HAT1: variants seen among roughly 807,000 people sequenced by gnomAD.
HAT1 encodes histone acetyltransferase type B catalytic subunit.
In HAT1, 20 loss-of-function variants were observed where a neutral mutation model predicts 56.6. The observed-to-expected ratio is 0.35, with a 90% CI of 0.25 to 0.51. The LOEUF is 0.51. HAT1 is among the 20% of genes least tolerant of loss of function. HAT1 has a pLI of 0.95. For synonymous variants in HAT1, 146 were observed against 165.5 expected (o/e 0.88, Z 0.91); for missense variants, 408 against 504.3 (o/e 0.81, Z 1.83).
chr2:171,934,460 G>A (rs904342223), intron 2 of HAT1, among the ~76,000 whole-genome samples: 4 of 152,152 alleles, frequency 2.6e-5, no homozygotes, highest in Admixed American at 1.3e-4. Context: ...AAGTTAGAAG[G>A]TGTAGAGGAA....
chr2:171,955,765 C>T lies in HAT1; in HGVS notation c.309+2764C>T, dbSNP rs139004280. On this transcript the variant is annotated intron_variant, in intron 4 of 10. Coordinates refer to ENST00000264108, the MANE Select transcript of HAT1 (RefSeq NM_003642.4). ...GTTTTGGTAGAAACACGAACATGAG[C>T]TGGATGCGTTGGCTCATGCCTATAA... is the stretch of plus-strand genomic sequence containing the variant. Among the ~76,000 whole-genome samples, 878 of 152,182 alleles carry T rather than the reference C, an allele frequency of 5.8e-3. 6 individuals are homozygous for T. Among genetic ancestry groups the T allele is most frequent in the African/African-American group, 0.018 (746 of 41,508 alleles).
chr2:171,943,446 C>T (rs1425387681), intron 2 of HAT1, among the ~76,000 whole-genome samples: 1 of 127,296 alleles, frequency 7.9e-6, no homozygotes. Flanking sequence ...GGAAACTAAG[C>T]AATATCTCTG....
At chr2:171,953,856 G>A (rs989741071) in intron 4 of HAT1, among the ~76,000 whole-genome samples, 10 of 151,778 alleles carry the variant, frequency 6.6e-5, no homozygotes, top group African/African-American at 2.2e-4. Context: ...TTAGCTGGGC[G>A]TGGTGGTACA....
chr2:171,953,201 T>C (rs560097676), intron 4 of HAT1, among the ~76,000 whole-genome samples, 200 bp downstream of exon 4: 39 of 151,344 alleles, frequency 2.6e-4, no homozygotes, highest in Middle Eastern at 3.4e-3. Flanking sequence ...CAAAAATTAG[T>C]GGGGCGTGGT....
chr2:171,969,947 T>C (rs1687773466), intron 8 of HAT1, among the ~76,000 whole-genome samples: 1 of 151,834 alleles, frequency 6.6e-6, no homozygotes. Flanking sequence ...AGCTCAGGGG[T>C]TCAAGACCAG....
At chr2:171,956,001 C>T (rs369791764) in intron 4 of HAT1, among the ~76,000 whole-genome samples, 19 of 151,530 alleles carry the variant, frequency 1.3e-4, no homozygotes, top group African/African-American at 3.9e-4. Flanking sequence ...GCCGATATCG[C>T]GCCACTGCAC....
intron 4 of HAT1, among the ~76,000 whole-genome samples, chr2:171,962,203 A>G (rs1198239802): frequency 6.6e-6 from 1 of 152,218 alleles, no homozygotes; most frequent in Non-Finnish European, 1.5e-5. Context: ...TTCATGTGTA[A>G]TAAAGTACAG....
chr2:171,947,403 A>T (rs1222401014), intron 3 of HAT1, among the ~76,000 whole-genome samples: 2 of 151,904 alleles, frequency 1.3e-5, no homozygotes, highest in Non-Finnish European at 2.9e-5. Context: ...ACAGGCACAC[A>T]CCATCATGCC....
intron 4 of HAT1, among the ~76,000 whole-genome samples, chr2:171,963,585 TGATA>T (rs1407085401): frequency 6.6e-6 from 1 of 152,230 alleles, no homozygotes; most frequent in East Asian, 1.9e-4. Context: ...ATTTTTAAAC[TGATA>T]GATTATAAAT....
intron 2 of HAT1, among the ~76,000 whole-genome samples, chr2:171,939,452 G>C (rs1327927287): frequency 2.6e-5 from 4 of 152,196 alleles, no homozygotes; most frequent in Non-Finnish European, 5.9e-5. Context: ...AAATAAGCAA[G>C]TTTTGTGACC....
chr2:171,964,121 T>G (rs536994111), intron 4 of HAT1, among the ~76,000 whole-genome samples: 3 of 152,322 alleles, frequency 2.0e-5, no homozygotes, highest in Non-Finnish European at 4.4e-5. Flanking sequence ...GGTGCATTGC[T>G]TCTACTTAGT....
chr2:171,952,828 C>T, intron 3 of HAT1, 53 bp from the exon 4 acceptor site: 2 of 1,367,352 alleles, frequency 1.5e-6, no homozygotes, highest in Non-Finnish European at 1.0e-6. Context: ...AGGGTTAATA[C>T]TTTTTAATGA....
intron 10 of HAT1, 166 bp downstream of exon 10, chr2:171,979,529 C>CACCACGCCCGGCCATGA: frequency 1.9e-6 from 1 of 516,578 alleles, no homozygotes; most frequent in Non-Finnish European, 3.5e-6. Context: ...CACTCATGGC[C>CACCACGCCCGGCCATGA]GGGCGTGGTG....
At chr2:171,977,555 ATAT>A (rs1331419446) in intron 9 of HAT1, among the ~76,000 whole-genome samples, 90 of 11,222 alleles carry the variant, frequency 8.0e-3, no homozygotes, top group African/African-American at 0.016. Context: ...ATATATATAT[ATAT>A]TTTTTTTTTT....
intron 2 of HAT1, among the ~76,000 whole-genome samples, chr2:171,933,941 C>T (rs1686804795): frequency 6.6e-6 from 1 of 152,160 alleles, no homozygotes; most frequent in Non-Finnish European, 1.5e-5. Flanking sequence ...TTTTTACTGA[C>T]TTTCTAGCGA....
intron 8 of HAT1, among the ~76,000 whole-genome samples, chr2:171,973,764 A>G (rs1185252067): frequency 6.6e-6 from 1 of 152,210 alleles, no homozygotes; most frequent in Non-Finnish European, 1.5e-5. Context: ...TCTGGAAACC[A>G]TCCCTTGTCT....
intron 9 of HAT1, among the ~76,000 whole-genome samples, chr2:171,977,144 G>A (rs1687986588): frequency 6.7e-6 from 1 of 150,078 alleles, no homozygotes; most frequent in African/African-American, 2.5e-5. Flanking sequence ...CTGCACTCCA[G>A]CCTGGGCGAC....
At chr2:171,960,585 T>A (rs1687549213) in intron 4 of HAT1, among the ~76,000 whole-genome samples, 1 of 152,186 alleles carries the variant, frequency 6.6e-6, no homozygotes, top group Non-Finnish European at 1.5e-5. Context: ...CACCTAAAAT[T>A]CTTCAGTCAC....
At chr2:171,966,368 C>T (rs376361104) in intron 6 of HAT1, 41 bp from the exon 7 acceptor site, 70 of 996,450 alleles carry the variant, frequency 7.0e-5, no homozygotes, top group Non-Finnish European at 9.4e-5. Context: ...CATGGGAGCG[C>T]GACTGTAATT....
Sources: allele counts gnomAD v4.1 joint callset (sites outside exome capture counted in the v4.1 genomes callset), GRCh38; gene constraint gnomAD v4.1.1; transcripts MANE v1.5; gene names NCBI Gene and HGNC (gene_info 2026-07-23, HGNC 2026-07-21).